Variants in MAP3K13 observed in about 807,000 individuals in gnomAD.
MAP3K13 encodes leucine zipper-bearing kinase.
Under a neutral mutation model 104.0 loss-of-function variants are expected in MAP3K13, and 52 were observed. That is an observed-to-expected ratio of 0.50 (90% CI 0.40 to 0.63). The LOEUF (loss-of-function observed/expected upper bound fraction) is 0.63. MAP3K13 is among the 20% of genes least tolerant of loss of function. The pLI is 0.00. For synonymous variants in MAP3K13, 394 were observed against 442.2 expected, an observed-to-expected ratio of 0.89 and a Z score of 1.37; for missense variants, 914 against 1,218.5, an observed-to-expected ratio of 0.75 and a Z score of 3.72.
intron 2 of MAP3K13, among the ~76,000 whole-genome samples, chr3:185,310,156 G>T (rs1405154527): frequency 6.6e-6 from 1 of 152,156 alleles, no homozygotes. Flanking sequence ...GATAGTAGCT[G>T]CCCACTGCTA....
chr3:185,434,591 C>T (rs2148887213), intron 2 of MAP3K13, among the ~76,000 whole-genome samples: 1 of 152,224 alleles, frequency 6.6e-6, no homozygotes, highest in East Asian at 1.9e-4. Flanking sequence ...ATAGGAACTA[C>T]ATGAAGGATA....
At chr3:185,415,288 G>A (rs926630488) in intron 1 of MAP3K13, among the ~76,000 whole-genome samples, 2 of 151,992 alleles carry the variant, frequency 1.3e-5, no homozygotes, top group Non-Finnish European at 2.9e-5. Flanking sequence ...GAGTAGCTGG[G>A]ACCACAGGCA....
At chr3:185,469,548 A>C (rs2148919904) in intron 10 of MAP3K13, among the ~76,000 whole-genome samples, 1 of 152,344 alleles carries the variant, frequency 6.6e-6, no homozygotes, top group East Asian at 1.9e-4. Context: ...TGCCAATAGC[A>C]GACAATACCC....
At chr3:185,314,060 G>GC (rs1172096616) in intron 2 of MAP3K13, among the ~76,000 whole-genome samples, 1 of 152,200 alleles carries the variant, frequency 6.6e-6, no homozygotes, top group Non-Finnish European at 1.5e-5. Flanking sequence ...ACTGCAGTTT[G>GC]CCCCTCCTCT....
intron 7 of MAP3K13, among the ~76,000 whole-genome samples, chr3:185,452,315 C>T (rs1296860000): frequency 6.6e-6 from 1 of 152,222 alleles, no homozygotes; most frequent in East Asian, 1.9e-4. Context: ...CCTTCACCTC[C>T]CGGGCTCAAG....
intron 2 of MAP3K13, among the ~76,000 whole-genome samples, chr3:185,309,061 G>A (rs1042039673): frequency 1.1e-4 from 16 of 152,092 alleles, no homozygotes; most frequent in East Asian, 1.9e-4. Flanking sequence ...GATTAGGGCC[G>A]CACACTATTC....
rs1577637100 is a variant in MAP3K13 at position 185,482,514 on chromosome 3, A to C, written c.*58A>C. ...TATACTGGCATTTCAGATCCACCCC[A>C]CCCCCAGACTCATCCCACTCTCTCC... On this transcript the variant is annotated 3_prime_UTR_variant, in exon 14 of 14. Transcript: ENST00000265026. This position sits in a 1 kb window ranked among gnomAD's most constrained non-coding sequence, Gnocchi z 4.5. 1 of 1,264,236 alleles carries C rather than the reference A, an allele frequency of 7.9e-7. No individual in the cohort carries two copies. Among genetic ancestry groups the C allele is most frequent in the Non-Finnish European group, 1.2e-6 (1 of 868,794 alleles). 78.3% of individuals were successfully genotyped at this position (1,264,236 alleles called of 1,614,324 possible).
chr3:185,401,345 C>A (rs919798148), intron 1 of MAP3K13, among the ~76,000 whole-genome samples: 1 of 152,112 alleles, frequency 6.6e-6, no homozygotes, highest in African/African-American at 2.4e-5. Flanking sequence ...CGTGTGGGAG[C>A]AGGTGAGTGA....
intron 7 of MAP3K13, among the ~76,000 whole-genome samples, chr3:185,454,266 T>C (rs1455367173): frequency 2.3e-5 from 1 of 43,718 alleles, no homozygotes; most frequent in Non-Finnish European, 5.4e-5. Context: ...ATATATGAGA[T>C]ATATATCATA....
chr3:185,398,596 T>A (rs7609871), intron 1 of MAP3K13, among the ~76,000 whole-genome samples: 146,677 of 152,194 alleles, frequency 0.96, 70,715 homozygotes, highest in East Asian at 1. Flanking sequence ...AAAAATTATT[T>A]AGTATGTCAG....
In MAP3K13 at chr3:185,487,330, A is replaced by AT. The variant is rs1173113366; in HGVS notation, c.*4890dup. ...CAGGTGTGTGCCACCATGCACAACA[A>AT]TTTTTTTTTTTTTTTTGTAGAGATG... On this transcript the variant is annotated 3_prime_UTR_variant, in exon 14 of 14. Coordinates refer to ENST00000265026, the MANE Select transcript of MAP3K13 (RefSeq NM_004721.5). 0.037 allele frequency: 5,232 copies of AT among 141,700 alleles called. 222 individuals are homozygous for AT. The highest frequency in any genetic ancestry group is 0.1 in the African/African-American group (4,012 of 38,592). The allele number at this position is 141,700 out of a possible 1,614,324, so 8.8% of individuals were successfully genotyped here.
intron 2 of MAP3K13, among the ~76,000 whole-genome samples, chr3:185,435,941 A>G (rs1399190859): frequency 6.6e-6 from 1 of 152,186 alleles, no homozygotes; most frequent in African/African-American, 2.4e-5. Flanking sequence ...ATGTTCTGCA[A>G]ACACTGGCTT....
chr3:185,463,517 G>A, intron 7 of MAP3K13, 33 bp from the exon 8 acceptor site: 1 of 1,316,564 alleles, frequency 7.6e-7, no homozygotes, highest in South Asian at 1.2e-5. Flanking sequence ...GAAACTCCTG[G>A]AATTTATCAA....
intron 5 of MAP3K13, among the ~76,000 whole-genome samples, chr3:185,448,729 A>G (rs1715723533): frequency 6.6e-6 from 1 of 152,238 alleles, no homozygotes. Context: ...TCTCAGTCTC[A>G]CCAACAAAAT....
chr3:185,469,868 CT>C (rs1006413638), intron 10 of MAP3K13, among the ~76,000 whole-genome samples: 45 of 152,204 alleles, frequency 3.0e-4, no homozygotes, highest in African/African-American at 1.1e-3. Context: ...TTAGGAGAGA[CT>C]TTTTGTCTGG....
intron 2 of MAP3K13, among the ~76,000 whole-genome samples, chr3:185,323,152 A>G (rs2108697410): frequency 6.6e-6 from 1 of 152,282 alleles, no homozygotes; most frequent in East Asian, 1.9e-4. Flanking sequence ...AACTTTACCC[A>G]CCTTCTCCTG....
At chr3:185,379,682 G>A (rs1050025390) in intron 1 of MAP3K13, among the ~76,000 whole-genome samples, 35 of 152,178 alleles carry the variant, frequency 2.3e-4, no homozygotes, top group Admixed American at 1.3e-4. Context: ...TGGTGCAGGC[G>A]GGCTGAGTCT....
chr3:185,327,650 A>G (rs903394432), intron 2 of MAP3K13, among the ~76,000 whole-genome samples: 1 of 152,244 alleles, frequency 6.6e-6, no homozygotes, highest in East Asian at 1.9e-4. Context: ...AGTGGCTCAC[A>G]CCTGTAATAC....
intron 1 of MAP3K13, among the ~76,000 whole-genome samples, chr3:185,378,279 C>A (rs1398705753): frequency 1.3e-5 from 2 of 152,098 alleles, no homozygotes; most frequent in Non-Finnish European, 2.9e-5. Flanking sequence ...AATAAGACGG[C>A]CTTCTGACCT....
Sources: allele counts gnomAD v4.1 joint callset (sites outside exome capture counted in the v4.1 genomes callset), GRCh38; gene constraint gnomAD v4.1.1; non-coding constraint Gnocchi (gnomAD v3.1); transcripts MANE v1.5; gene names NCBI Gene and HGNC (gene_info 2026-07-23, HGNC 2026-07-21).